Variants in SPAG16 observed in about 807,000 individuals in gnomAD.
SPAG16 encodes the protein sperm associated antigen 16.
In SPAG16, 86 loss-of-function variants were observed where a neutral mutation model predicts 80.4. The ratio of observed to expected loss-of-function variants is 1.07; its 90% CI spans 0.90 to 1.28. The LOEUF is 1.28. Ranked by LOEUF, SPAG16 falls within the 50% of genes most tolerant of loss-of-function variation. The probability of loss-of-function intolerance (pLI) is 0.00; values close to 1 mark genes in which losing one functional copy is unlikely to be tolerated. For synonymous variants in SPAG16, 294 were observed against 265.9 expected, an observed-to-expected ratio of 1.11 and a Z score of -1.03; for missense variants, 870 against 765.3, an observed-to-expected ratio of 1.14 and a Z score of -1.61.
intron 15 of SPAG16, among the ~76,000 whole-genome samples, chr2:214,269,429 A>T (rs1691828674): frequency 6.6e-6 from 1 of 151,888 alleles, no homozygotes; most frequent in Non-Finnish European, 1.5e-5. Context: ...GTGAGCATAG[A>T]ATTGTGTGTG....
At chr2:213,463,421 C>T (rs559779489) in intron 9 of SPAG16, among the ~76,000 whole-genome samples, 24 of 152,346 alleles carry the variant, frequency 1.6e-4, no homozygotes, top group Non-Finnish European at 3.4e-4. Flanking sequence ...GGCAGCCCCT[C>T]CCATTACAGG....
chr2:214,295,395 G>A (rs548211350), intron 15 of SPAG16, among the ~76,000 whole-genome samples: 7 of 152,020 alleles, frequency 4.6e-5, no homozygotes, highest in East Asian at 2.0e-4. Flanking sequence ...TTTATTAAGC[G>A]TATTTTTTTA....
intron 15 of SPAG16, among the ~76,000 whole-genome samples, chr2:214,340,738 G>A (rs1275745184): frequency 2.0e-5 from 3 of 152,142 alleles, no homozygotes; most frequent in Admixed American, 6.6e-5. Context: ...GGCCCTATAT[G>A]GCTGTAATTA....
At chr2:214,283,303 TTA>T (rs1218613156) in intron 15 of SPAG16, among the ~76,000 whole-genome samples, 1 of 152,118 alleles carries the variant, frequency 6.6e-6, no homozygotes, top group Non-Finnish European at 1.5e-5. Context: ...TCTTGTTGAT[TTA>T]TAGTTTAGTC....
intron 10 of SPAG16, among the ~76,000 whole-genome samples, chr2:213,672,427 GACAA>G (rs1378363781): frequency 6.7e-6 from 1 of 150,364 alleles, no homozygotes; most frequent in African/African-American, 2.5e-5. Flanking sequence ...ATTGCCAACT[GACAA>G]ACAACCCTTC....
At chr2:213,868,679 C>T (rs184567130) in intron 11 of SPAG16, among the ~76,000 whole-genome samples, 3 of 152,186 alleles carry the variant, frequency 2.0e-5, no homozygotes, top group Admixed American at 2.0e-4. Context: ...TCACATATCT[C>T]TATAAGTGAA....
At position 214,018,705 on chromosome 2, in the gene SPAG16, C is replaced by A. The variant is rs369413303; in HGVS notation, c.1527+4628C>A. ...TTCTATTAGTGAAGCAGTAATGGTACATTTTGTCACCTCAATGTGATCAGT... is the reference window on the plus strand; with the variant it reads ...TTCTATTAGTGAAGCAGTAATGGTAAATTTTGTCACCTCAATGTGATCAGT... On this transcript the variant is annotated intron_variant, in intron 13 of 15. Coordinates refer to ENST00000331683, the MANE Select transcript of SPAG16 (RefSeq NM_024532.5). Among the ~76,000 whole-genome samples, 7 of 152,248 alleles carry A rather than the reference C, an allele frequency of 4.6e-5. No homozygotes were observed. The South Asian group carries it at 1.5e-3, about 32-fold the overall frequency.
At chr2:213,843,800 G>A (rs898860897) in intron 10 of SPAG16, among the ~76,000 whole-genome samples, 10 of 152,098 alleles carry the variant, frequency 6.6e-5, no homozygotes, top group Admixed American at 5.9e-4. Flanking sequence ...GCAGTAAGCC[G>A]AGATCATGCC....
chr2:213,312,330 A>G (rs2063224189), intron 4 of SPAG16, among the ~76,000 whole-genome samples: 1 of 151,672 alleles, frequency 6.6e-6, no homozygotes, highest in African/African-American at 2.4e-5. Context: ...TCAATGGGCA[A>G]TGGTAATTTC....
chr2:214,063,939 A>C (rs946831352), intron 13 of SPAG16, among the ~76,000 whole-genome samples: 1 of 152,166 alleles, frequency 6.6e-6, no homozygotes, highest in African/African-American at 2.4e-5. Flanking sequence ...CCAACTTCTC[A>C]TAATCTCTAT....
chr2:214,071,099 G>C (rs2050770369), intron 13 of SPAG16, among the ~76,000 whole-genome samples: 1 of 152,082 alleles, frequency 6.6e-6, no homozygotes, highest in Admixed American at 6.6e-5. Flanking sequence ...AAAGAATATT[G>C]AGTAGTTTCT....
At chr2:213,488,731 T>C (rs900876797) in intron 9 of SPAG16, among the ~76,000 whole-genome samples, 2 of 152,150 alleles carry the variant, frequency 1.3e-5, no homozygotes, top group African/African-American at 4.8e-5. Context: ...TTTGCAGAAT[T>C]ATGAAATGCA....
intron 7 of SPAG16, among the ~76,000 whole-genome samples, chr2:213,355,596 A>G (rs1396669622): frequency 6.6e-6 from 1 of 152,084 alleles, no homozygotes; most frequent in Non-Finnish European, 1.5e-5. Flanking sequence ...TGTAAGTTGG[A>G]TTCCTAGGTA....
chr2:214,401,410 T>A (rs1167832897), intron 15 of SPAG16, among the ~76,000 whole-genome samples: 2 of 151,976 alleles, frequency 1.3e-5, no homozygotes, highest in African/African-American at 4.8e-5. Flanking sequence ...TCTTCCCTGA[T>A]ATGTTATTTC....
chr2:213,634,702 C>G (rs2062291712), intron 10 of SPAG16, among the ~76,000 whole-genome samples: 1 of 152,050 alleles, frequency 6.6e-6, no homozygotes, highest in Non-Finnish European at 1.5e-5. Context: ...GCACCTATAA[C>G]CCGAGCAGTG....
At chr2:213,331,533 T>C (rs1185425830) in intron 5 of SPAG16, among the ~76,000 whole-genome samples, 3 of 152,196 alleles carry the variant, frequency 2.0e-5, no homozygotes, top group Non-Finnish European at 2.9e-5. Flanking sequence ...TGGACAGGTA[T>C]TCCAGACAGA....
At chr2:213,959,406 T>G (rs1559630898) in intron 12 of SPAG16, among the ~76,000 whole-genome samples, 1 of 152,184 alleles carries the variant, frequency 6.6e-6, no homozygotes, top group Non-Finnish European at 1.5e-5. Context: ...TTCACCTAGT[T>G]AAAACTTCCT....
At chr2:213,753,957 G>A (rs1235755960) in intron 10 of SPAG16, among the ~76,000 whole-genome samples, 2 of 152,226 alleles carry the variant, frequency 1.3e-5, no homozygotes, top group Non-Finnish European at 2.9e-5. Context: ...TGCATGTTCA[G>A]CAAGCCGTGA....
intron 10 of SPAG16, among the ~76,000 whole-genome samples, chr2:213,797,205 C>T (rs2071098249): frequency 6.6e-6 from 1 of 152,042 alleles, no homozygotes; most frequent in South Asian, 2.1e-4. Flanking sequence ...AAAAATGTTA[C>T]AGTAAGCTAA....
Sources: allele counts gnomAD v4.1 joint callset (sites outside exome capture counted in the v4.1 genomes callset), GRCh38; gene constraint gnomAD v4.1.1; transcripts MANE v1.5; gene names NCBI Gene and HGNC (gene_info 2026-07-23, HGNC 2026-07-21).